The following PSME4 variants were observed in gnomAD, a reference collection of about 807,000 sequenced individuals.
PSME4 encodes proteasome activator complex subunit 4.
A neutral mutation model predicts 253.9 loss-of-function variants in PSME4; 89 were observed. That is an observed-to-expected ratio of 0.35 (90% confidence interval 0.30 to 0.42). PSME4 has a LOEUF of 0.42. Among genes scored for constraint, PSME4 ranks in the 10% least tolerant of loss-of-function variants. PSME4 has a pLI of 1.00. For missense variants in PSME4, 2,014 were observed against 2,195.2 expected, an observed-to-expected ratio of 0.92 and a Z score of 1.65; for synonymous variants, 851 against 759.2, an observed-to-expected ratio of 1.12 and a Z score of -1.99.
chr2:53,959,508 C>T (rs1310025081), intron 1 of PSME4, among the ~76,000 whole-genome samples: 3 of 152,200 alleles, frequency 2.0e-5, no homozygotes, highest in Non-Finnish European at 4.4e-5. Context: ...ACTTCAACTC[C>T]TGCCCACCCA....
chr2:53,962,654 T>C (rs1670541987), intron 1 of PSME4, among the ~76,000 whole-genome samples: 1 of 152,218 alleles, frequency 6.6e-6, no homozygotes, highest in African/African-American at 2.4e-5. Context: ...TCCTATTTTC[T>C]TCAATGTTTT....
At chr2:53,920,026 T>C (rs568077667) in intron 19 of PSME4, among the ~76,000 whole-genome samples, 167 bp downstream of exon 19, 109 of 152,308 alleles carry the variant, frequency 7.2e-4, no homozygotes, top group African/African-American at 2.5e-3. Flanking sequence ...TTAAATGTTG[T>C]TAAATTTTCT....
chr2:53,869,345 G>C, intron 44 of PSME4, 31 bp downstream of exon 44: 1 of 1,568,454 alleles, frequency 6.4e-7, no homozygotes, highest in South Asian at 1.2e-5. Context: ...ATTCCCAATA[G>C]GATACAGGTG....
In PSME4 at chr2:53,921,113, A is replaced by G; in HGVS notation, c.2047-9T>C. 2 of 1,612,842 alleles carry G rather than the reference A, an allele frequency of 1.2e-6. No individual in the cohort carries two copies. The highest frequency in any genetic ancestry group is 1.7e-6 in the Non-Finnish European group (2 of 1,179,842). ...CCATCCACTCGAGTAATCTAAAAGG[A>G]GGGAAAAAATAGTTGAAGATATTTT... On this transcript the variant is annotated splice_polypyrimidine_tract_variant and intron_variant, in intron 17 of 46. Transcript: ENST00000404125.
intron 3 of PSME4, among the ~76,000 whole-genome samples, chr2:53,947,500 T>C (rs1015487087): frequency 5.3e-5 from 8 of 150,568 alleles, no homozygotes; most frequent in East Asian, 2.0e-4. Context: ...GGTCAGGAGA[T>C]AGAGACCATC....
intron 3 of PSME4, among the ~76,000 whole-genome samples, chr2:53,943,804 T>A (rs577048983): frequency 8.2e-5 from 11 of 134,794 alleles, no homozygotes; most frequent in Admixed American, 4.3e-4. Context: ...ATTGTGCCAC[T>A]GCACTCCAGC....
Position 53,970,809 on chromosome 2 carries a change from C to T in PSME4, c.-25G>A. On this transcript the variant is annotated 5_prime_UTR_variant, in exon 1 of 47. Coordinates refer to ENST00000404125, the MANE Select transcript of PSME4 (RefSeq NM_014614.3). ...TGAGCCCAGGGACACCCCCCCCACC[C>T]CCTCCCACCCGAACCCTCCCCGGCC... The T allele has an allele frequency of 1.3e-6, 2 of 1,492,672 alleles. No individual in the cohort carries two copies. The highest frequency in any genetic ancestry group is 1.3e-5 in the South Asian group (1 of 77,978). The allele number at this position is 1,492,672 out of a possible 1,614,324, so 92.5% of individuals were successfully genotyped here.
chr2:53,941,871 C>T (rs952972654), intron 3 of PSME4, among the ~76,000 whole-genome samples: 2 of 152,094 alleles, frequency 1.3e-5, no homozygotes, highest in African/African-American at 4.8e-5. Context: ...TTTTCACATA[C>T]GACCTTGCTA....
chr2:53,898,254 T>C, intron 30 of PSME4, 47 bp downstream of exon 30: 1 of 1,524,894 alleles, frequency 6.6e-7, no homozygotes, highest in Non-Finnish European at 9.0e-7. Flanking sequence ...ACTCCTATAG[T>C]ATTTATGAAA....
At chr2:53,904,659 C>A (rs1680564912) in intron 26 of PSME4, among the ~76,000 whole-genome samples, 1 of 152,144 alleles carries the variant, frequency 6.6e-6, no homozygotes, top group African/African-American at 2.4e-5. Context: ...TATAAATTTA[C>A]AACTTATGAA....
chr2:53,926,373 G>A (rs755967430), intron 12 of PSME4, among the ~76,000 whole-genome samples: 15 of 151,592 alleles, frequency 9.9e-5, no homozygotes, highest in East Asian at 1.9e-4. Context: ...TAACATGCTC[G>A]CGACTGGGCA....
At position 53,904,037 on chromosome 2, in the gene PSME4, CTG is replaced by C; in HGVS notation, c.3061_3062del (p.Gln1021AlafsTer24). ...FLRPDRQGVT[Q>X]QQFKGALYCL... ...AAAAACCCTATACCTTGAATTGTTG[CTG>C]TGTAACACCTTGTCTATCAGGCCTT... On this transcript the variant is annotated frameshift_variant, in exon 27 of 47. Coordinates refer to ENST00000404125, the MANE Select transcript of PSME4 (RefSeq NM_014614.3). LOFTEE classifies it high-confidence loss of function. 1 of 1,606,780 alleles carries C rather than the reference CTG, an allele frequency of 6.2e-7. No homozygotes were observed. Among genetic ancestry groups the C allele is most frequent in the Non-Finnish European group, 8.5e-7 (1 of 1,177,442 alleles).
At chr2:53,948,078 C>G (rs922576125) in intron 3 of PSME4, among the ~76,000 whole-genome samples, 1 of 152,130 alleles carries the variant, frequency 6.6e-6, no homozygotes, top group African/African-American at 2.4e-5. Context: ...TAGACCACAA[C>G]TGGACAGAAA....
At chr2:53,879,392 A>G (rs1039780599) in intron 41 of PSME4, among the ~76,000 whole-genome samples, 1 of 152,196 alleles carries the variant, frequency 6.6e-6, no homozygotes, top group African/African-American at 2.4e-5. Context: ...AAGTCTCTTC[A>G]GAAAAAAAGC....
intron 1 of PSME4, among the ~76,000 whole-genome samples, chr2:53,958,468 G>C (rs1217127098): frequency 6.6e-6 from 1 of 152,082 alleles, no homozygotes. Context: ...TTATGATACA[G>C]TGTAAATCAG....
At chr2:53,910,170 C>T in intron 20 of PSME4, 40 bp from the exon 21 acceptor site, 1 of 1,490,056 alleles carries the variant, frequency 6.7e-7, no homozygotes. Flanking sequence ...TTAATAATAC[C>T]AATATGAAGT....
At chr2:53,907,724 T>C (rs1263813024) in intron 24 of PSME4, among the ~76,000 whole-genome samples, 1 of 152,194 alleles carries the variant, frequency 6.6e-6, no homozygotes, top group Admixed American at 6.5e-5. Context: ...CCCTGGCCCC[T>C]AAAAGCATGC....
chr2:53,946,982 A>T (rs1669741320), intron 3 of PSME4, among the ~76,000 whole-genome samples: 2 of 152,192 alleles, frequency 1.3e-5, no homozygotes, highest in Non-Finnish European at 2.9e-5. Context: ...TATTGGTAAA[A>T]GCATACTTGC....
rs757544216 is a variant in PSME4 at position 53,887,481 on chromosome 2, T to C, written c.4521-14A>G. The C allele has an allele frequency of 8.8e-6, 14 of 1,590,366 alleles. 1 individual carries two copies. The Middle Eastern group carries it at 1.3e-3, about 152-fold the overall frequency. On this transcript the variant is annotated splice_polypyrimidine_tract_variant and intron_variant, in intron 39 of 46. Transcript: ENST00000404125. Reference sequence around the variant, plus strand: ...TAGGTCAGCACACTGCAAAATAAAATACTTAATAATAGGAAGAGGTGCCAC... The same window carrying C: ...TAGGTCAGCACACTGCAAAATAAAACACTTAATAATAGGAAGAGGTGCCAC...
Sources: allele counts gnomAD v4.1 joint callset (sites outside exome capture counted in the v4.1 genomes callset), GRCh38; gene constraint gnomAD v4.1.1; transcripts MANE v1.5; gene names NCBI Gene and HGNC (gene_info 2026-07-23, HGNC 2026-07-21).